Variants in GPR158 observed in about 807,000 individuals in gnomAD.
The protein encoded by GPR158 is metabotropic glycine receptor.
GPR158 carries 30 observed loss-of-function variants against 78.2 expected under a neutral mutation model. That is an observed-to-expected ratio of 0.38 (90% CI 0.29 to 0.52). The LOEUF (loss-of-function observed/expected upper bound fraction) is 0.52. Among genes scored for constraint, GPR158 ranks in the 20% least tolerant of loss-of-function variants. GPR158 has a pLI of 0.83. For missense variants in GPR158, 1,463 were observed against 1,523.5 expected (o/e 0.96, Z 0.66); for synonymous variants, 581 against 591.1 (o/e 0.98, Z 0.25).
intron 5 of GPR158, among the ~76,000 whole-genome samples, chr10:25,484,108 T>C (rs980575501): frequency 6.6e-5 from 10 of 152,174 alleles, no homozygotes; most frequent in African/African-American, 2.2e-4. Context: ...CTGGCTGTTC[T>C]TAACTTCTCC....
chr10:25,369,580 T>C (rs1333503761), intron 2 of GPR158, among the ~76,000 whole-genome samples: 1 of 151,390 alleles, frequency 6.6e-6, no homozygotes, highest in East Asian at 1.9e-4. Flanking sequence ...CAGTATTTTA[T>C]TGAGGATTTT....
rs73608281 is a variant in GPR158, at chr10:25,352,795, A to C, written c.1009-43116A>C. 7.9e-3 allele frequency among the ~76,000 whole-genome samples: 1,196 copies of C among 152,136 alleles called. 18 individuals carry two copies. The highest frequency in any genetic ancestry group is 0.028 in the African/African-American group (1,155 of 41,550). On this transcript the variant is annotated intron_variant, in intron 2 of 10. Transcript: ENST00000376351. ...GGTATCTACATCTGACTCATGTTTT[A>C]GATATTTATGGAATTAGGATAGGCC...
chr10:25,466,859 C>G (rs1835431351), intron 5 of GPR158, 140 bp downstream of exon 5: 2 of 459,748 alleles, frequency 4.4e-6, no homozygotes, highest in East Asian at 6.5e-5. Context: ...TCTTGTCTTA[C>G]TTGAAAGAAA....
At chr10:25,495,504 G>A (rs1835869418) in intron 5 of GPR158, among the ~76,000 whole-genome samples, 1 of 151,880 alleles carries the variant, frequency 6.6e-6, no homozygotes. Flanking sequence ...ATGTTAGCCA[G>A]GAAAATCTTG....
chr10:25,523,232 G>A (rs925688267), intron 5 of GPR158, among the ~76,000 whole-genome samples: 2 of 152,210 alleles, frequency 1.3e-5, no homozygotes, highest in African/African-American at 4.8e-5. Context: ...AAAGGCTCCT[G>A]AAGTCCTGTG....
intron 4 of GPR158, among the ~76,000 whole-genome samples, chr10:25,421,451 C>T (rs1834750118): frequency 6.6e-6 from 1 of 152,132 alleles, no homozygotes; most frequent in Non-Finnish European, 1.5e-5. Flanking sequence ...AGACCTGTAG[C>T]ATTTCTTGTA....
chr10:25,568,297 T>G (rs1456975518), intron 6 of GPR158, among the ~76,000 whole-genome samples: 1 of 152,198 alleles, frequency 6.6e-6, no homozygotes, highest in African/African-American at 2.4e-5. Flanking sequence ...GGGTGCAATA[T>G]GTAGTGATAA....
At chr10:25,522,357 CATCT>C (rs1836289415) in intron 5 of GPR158, among the ~76,000 whole-genome samples, 1 of 152,178 alleles carries the variant, frequency 6.6e-6, no homozygotes, top group African/African-American at 2.4e-5. Flanking sequence ...TCTGGACATC[CATCT>C]GAGTCCTGTT....
intron 2 of GPR158, among the ~76,000 whole-genome samples, chr10:25,251,912 C>T: frequency 6.6e-6 from 1 of 152,084 alleles, no homozygotes; most frequent in African/African-American, 2.4e-5. Flanking sequence ...AGAGTGTTTT[C>T]CAACTTGGTT....
chr10:25,461,432 G>A (rs1413123745), intron 4 of GPR158, among the ~76,000 whole-genome samples: 1 of 152,184 alleles, frequency 6.6e-6, no homozygotes, highest in Non-Finnish European at 1.5e-5. Flanking sequence ...ACTGCCTTAA[G>A]CCAAAGCCTA....
chr10:25,499,095 C>G (rs946680423), intron 5 of GPR158, among the ~76,000 whole-genome samples: 1 of 152,038 alleles, frequency 6.6e-6, no homozygotes, highest in Non-Finnish European at 1.5e-5. Flanking sequence ...TATATTTTAG[C>G]CAGAAGATTG....
chr10:25,460,152 T>C (rs1157169385), intron 4 of GPR158, among the ~76,000 whole-genome samples: 1 of 152,210 alleles, frequency 6.6e-6, no homozygotes, highest in Non-Finnish European at 1.5e-5. Flanking sequence ...TTTAGACTTA[T>C]TGCATAATAT....
chr10:25,466,609 G>C, intron 4 of GPR158, 42 bp from the exon 5 acceptor site: 1 of 1,327,222 alleles, frequency 7.5e-7, no homozygotes, highest in East Asian at 2.3e-5. Flanking sequence ...TCCAGGCTTA[G>C]AAATGTAAGT....
rs372216544 is a variant in GPR158 at position 25,221,111 on chromosome 10, A to G, written c.962A>G (p.Asp321Gly). ...QKVDIDQCSS[D>G]GWFSGTHKCH... ...GTGGACATTGACCAATGCTCAAGTG[A>G]TGGCTGGTTTTCAGGAACTCATAAA... Residue 321 changes from aspartate to glycine, a missense_variant, in exon 2 of 11, where the codon GAT becomes GGT. Asp to Gly is a moderately conservative substitution (Grantham distance 94). Transcript: ENST00000376351. The G allele has an allele frequency of 1.1e-4, 177 of 1,605,132 alleles. No individual in the cohort carries two copies. Among genetic ancestry groups the G allele is most frequent in the Middle Eastern group, 6.6e-4 (4 of 6,062 alleles).
intron 5 of GPR158, among the ~76,000 whole-genome samples, chr10:25,496,541 C>G (rs1383684441): frequency 2.0e-5 from 3 of 152,080 alleles, no homozygotes; most frequent in Non-Finnish European, 4.4e-5. Context: ...TAGTAGAAAT[C>G]CTTGGTGCTT....
chr10:25,479,944 A>G (rs1835643000), intron 5 of GPR158, among the ~76,000 whole-genome samples: 1 of 151,906 alleles, frequency 6.6e-6, no homozygotes, highest in Non-Finnish European at 1.5e-5. Context: ...TATGACCTTT[A>G]CAGCAATTTC....
intron 5 of GPR158, among the ~76,000 whole-genome samples, chr10:25,503,861 C>A (rs1835975033): frequency 6.6e-6 from 1 of 151,370 alleles, no homozygotes. Flanking sequence ...TTTATAGTGT[C>A]CCCCCTTCAT....
intron 4 of GPR158, among the ~76,000 whole-genome samples, chr10:25,434,466 T>C (rs1284836643): frequency 1.3e-5 from 2 of 152,198 alleles, no homozygotes; most frequent in Non-Finnish European, 2.9e-5. Context: ...CATAAATCGT[T>C]GGTGGTTTTT....
intron 2 of GPR158, among the ~76,000 whole-genome samples, chr10:25,236,494 C>T (rs941999544): frequency 6.6e-6 from 1 of 152,094 alleles, no homozygotes; most frequent in African/African-American, 2.4e-5. Flanking sequence ...GGCGACAGAG[C>T]GAGACTCCGT....
Sources: gnomAD v4.1 joint callset for allele counts (sites outside exome capture counted in the v4.1 genomes callset) on GRCh38, gnomAD v4.1.1 for gene constraint, MANE v1.5 for transcripts, NCBI Gene and HGNC (gene_info 2026-07-23, HGNC 2026-07-21) for gene names.